The following TAFA1 variants were observed in gnomAD, a reference collection of about 807,000 sequenced individuals.
TAFA1 encodes the protein TAFA chemokine like family member 1, also known as chemokine-like protein TAFA-1.
TAFA1 carries 4 observed loss-of-function variants against 18.5 expected under a neutral mutation model. The observed-to-expected ratio is 0.22, with a 90% CI of 0.11 to 0.49. TAFA1 has a LOEUF of 0.49. Ranked by LOEUF, TAFA1 falls within the 20% of genes least tolerant of loss-of-function variation. The pLI, the probability that TAFA1 is intolerant of heterozygous loss-of-function variation, is 0.98. For missense variants in TAFA1, 147 were observed against 169.0 expected, an observed-to-expected ratio of 0.87 and a Z score of 0.72; for synonymous variants, 56 against 55.2, an observed-to-expected ratio of 1.01 and a Z score of -0.06.
At chr3:68,328,666 A>C (rs1362487923) in intron 2 of TAFA1, among the ~76,000 whole-genome samples, 1 of 152,148 alleles carries the variant, frequency 6.6e-6, no homozygotes, top group African/African-American at 2.4e-5. Flanking sequence ...TTTATTTTGG[A>C]ATTCTCTTTG....
At chr3:68,072,955 T>TA (rs1357586377) in intron 2 of TAFA1, among the ~76,000 whole-genome samples, 22 of 152,286 alleles carry the variant, frequency 1.4e-4, no homozygotes, top group African/African-American at 5.3e-4. Context: ...ATTAGTTTGT[T>TA]AGAATACAAA....
At chr3:68,477,640 C>A (rs1027996036) in intron 3 of TAFA1, among the ~76,000 whole-genome samples, 2 of 152,128 alleles carry the variant, frequency 1.3e-5, no homozygotes, top group Admixed American at 6.6e-5. Context: ...CTTAGCCTCC[C>A]AAAGTGCTGG....
At chr3:68,264,737 T>C (rs1319389920) in intron 2 of TAFA1, among the ~76,000 whole-genome samples, 1 of 151,848 alleles carries the variant, frequency 6.6e-6, no homozygotes, top group Non-Finnish European at 1.5e-5. Context: ...ATTTATATTC[T>C]ATATAATTTC....
chr3:68,180,268 G>A (rs181619368), intron 2 of TAFA1, among the ~76,000 whole-genome samples: 7 of 151,538 alleles, frequency 4.6e-5, no homozygotes, highest in Admixed American at 1.3e-4. Flanking sequence ...TCGAACTCCC[G>A]ACCTCAGGTT....
chr3:68,210,553 T>C (rs2066584099), intron 2 of TAFA1, among the ~76,000 whole-genome samples: 1 of 152,026 alleles, frequency 6.6e-6, no homozygotes, highest in African/African-American at 2.4e-5. Context: ...GGGAATCTGT[T>C]TTGATGTGCA....
intron 2 of TAFA1, among the ~76,000 whole-genome samples, chr3:68,073,142 C>A (rs1361654337): frequency 1.3e-5 from 2 of 152,156 alleles, no homozygotes; most frequent in Admixed American, 1.3e-4. Context: ...AGTAGATAAA[C>A]CAGCAGAAGA....
chr3:68,211,426 C>A (rs555648054), intron 2 of TAFA1, among the ~76,000 whole-genome samples: 1 of 151,950 alleles, frequency 6.6e-6, no homozygotes, highest in African/African-American at 2.4e-5. Flanking sequence ...ATAATGATTC[C>A]GTCTGAATTT....
chr3:68,017,612 T>A (rs6792729), intron 2 of TAFA1, among the ~76,000 whole-genome samples: 106,984 of 152,060 alleles, frequency 0.7, 37,762 homozygotes, highest in East Asian at 0.81. Flanking sequence ...GCCATGAAGT[T>A]TTTTTCATTA....
intron 2 of TAFA1, among the ~76,000 whole-genome samples, chr3:68,410,705 CAAAAAAAAAAAA>C (rs34714719): frequency 2.2e-4 from 8 of 36,660 alleles, no homozygotes; most frequent in South Asian, 1.8e-3. Flanking sequence ...TTTCCATAAG[CAAAAAAAAAAAA>C]AAAAAAAAAA....
chr3:68,331,011 A>G (rs1488720703), intron 2 of TAFA1, among the ~76,000 whole-genome samples: 1 of 151,914 alleles, frequency 6.6e-6, no homozygotes. Flanking sequence ...ACAATTCACA[A>G]TAGCTAAAAG....
chr3:68,240,126 T>C (rs1015371724), intron 2 of TAFA1, among the ~76,000 whole-genome samples: 1 of 152,162 alleles, frequency 6.6e-6, no homozygotes, highest in African/African-American at 2.4e-5. Context: ...TACTACACTT[T>C]TAGAAATGAT....
chr3:67,992,136 C>T, the TAFA1 span, among the ~76,000 whole-genome samples: 1 of 152,150 alleles, frequency 6.6e-6, no homozygotes, highest in Non-Finnish European at 1.5e-5. Flanking sequence ...TACAATGGTC[C>T]CTTCCCCCAG....
intron 3 of TAFA1, among the ~76,000 whole-genome samples, chr3:68,436,760 A>C (rs973295110): frequency 6.6e-6 from 1 of 152,178 alleles, no homozygotes; most frequent in African/African-American, 2.4e-5. Context: ...GTTGTGATTA[A>C]GTCAACATAG....
chr3:68,141,954 C>A lies in TAFA1; in HGVS notation c.118+135210C>A, dbSNP rs573409930. 2.0e-5 allele frequency among the ~76,000 whole-genome samples: 3 copies of A among 152,278 alleles called. No homozygotes were observed. In the South Asian group the frequency reaches 6.2e-4, roughly 32 times the overall value. ...CCCCATTCTAAGATGTTCTCCCTCCCAGGTCACTTTTAGTTTCTTGTGAGC... is the reference window on the plus strand; with the variant it reads ...CCCCATTCTAAGATGTTCTCCCTCCAAGGTCACTTTTAGTTTCTTGTGAGC... On this transcript the variant is annotated intron_variant, in intron 2 of 4. Coordinates refer to ENST00000478136, the MANE Select transcript of TAFA1 (RefSeq NM_213609.4).
At chr3:68,264,727 A>G (rs1441800944) in intron 2 of TAFA1, among the ~76,000 whole-genome samples, 1 of 151,228 alleles carries the variant, frequency 6.6e-6, no homozygotes, top group Non-Finnish European at 1.5e-5. Context: ...CTATAAAGAA[A>G]TTTATATTCT....
chr3:68,381,861 G>C (rs1287076048), intron 2 of TAFA1, among the ~76,000 whole-genome samples: 2 of 152,152 alleles, frequency 1.3e-5, no homozygotes, highest in Non-Finnish European at 2.9e-5. Context: ...TTTTCAAAGG[G>C]AATGCTTCCA....
chr3:68,468,642 G>T (rs1202219102), intron 3 of TAFA1, among the ~76,000 whole-genome samples: 2 of 152,182 alleles, frequency 1.3e-5, no homozygotes. Context: ...GCTCTGAAAT[G>T]ATTGGACAGA....
chr3:68,006,563 G>A, intron 1 of TAFA1, 61 bp from the exon 2 acceptor site: 1 of 1,083,998 alleles, frequency 9.2e-7, no homozygotes, highest in Non-Finnish European at 1.4e-6. Flanking sequence ...TCATCAGTGG[G>A]GCTGACTGAG....
intron 2 of TAFA1, among the ~76,000 whole-genome samples, chr3:68,315,916 C>T (rs761377976): frequency 5.9e-5 from 9 of 151,946 alleles, no homozygotes; most frequent in Non-Finnish European, 8.8e-5. Flanking sequence ...TCTGGGCAGT[C>T]GATGAAATTC....
Sources: allele counts gnomAD v4.1 joint callset (sites outside exome capture counted in the v4.1 genomes callset), GRCh38; gene constraint gnomAD v4.1.1; transcripts MANE v1.5; gene names NCBI Gene and HGNC (gene_info 2026-07-23, HGNC 2026-07-21).